Variants in ABCF3 observed in about 807,000 individuals in gnomAD.
The protein encoded by ABCF3 is ATP-binding cassette sub-family F member 3.
ABCF3 carries 62 observed loss-of-function variants against 94.3 expected under a neutral mutation model. The ratio of observed to expected loss-of-function variants is 0.66; its 90% CI spans 0.54 to 0.81. ABCF3 has a LOEUF of 0.81. ABCF3 is among the 40% of genes least tolerant of loss of function. The pLI is 0.00. For synonymous variants in ABCF3, 355 were observed against 361.1 expected (o/e 0.98, Z 0.19); for missense variants, 843 against 925.3 (o/e 0.91, Z 1.15).
At chr3:184,190,233 T>C (rs1715934971) in intron 14 of ABCF3, 4 of 458,456 alleles carry the variant, frequency 8.7e-6, no homozygotes, top group Admixed American at 3.7e-5. Context: ...CCTGGCGTCA[T>C]GTGTGAGGCT....
At position 184,187,652 on chromosome 3, in the gene ABCF3, T is replaced by C. The variant is rs1239633465; in HGVS notation, c.349-12T>C. The C allele has an allele frequency of 3.1e-6, 5 of 1,613,974 alleles. No homozygotes were observed. Among genetic ancestry groups the C allele is most frequent in the African/African-American group, 1.3e-5 (1 of 74,908 alleles). On this transcript the variant is annotated splice_polypyrimidine_tract_variant and intron_variant, in intron 4 of 20. Transcript: ENST00000429586. The stretch of plus-strand genomic sequence containing the variant: ...ACACCCGAGAGTGAAGTCGATGTGT[T>C]TGGACCCTTAGACAGTGAATGCAAA...
intron 3 of ABCF3, 53 bp downstream of exon 3, chr3:184,186,928 CCA>C: frequency 6.4e-7 from 1 of 1,560,950 alleles, no homozygotes; most frequent in African/African-American, 1.4e-5. Flanking sequence ...TTCTCCGCCC[CCA>C]ACCATCTGCT....
chr3:184,189,895 C>T lies in ABCF3; in HGVS notation c.1355C>T (p.Ser452Phe). ...TTTCGCTACAATGCCAACAGGGCCT[C>T]TCAAGTGCAGAGTAAACTCAAGATG... ...DRFRYNANRA[S>F]QVQSKLKMLE... Residue 452 changes from serine to phenylalanine, a missense_variant, in exon 14 of 21, where the codon TCT (serine) becomes TTT (phenylalanine). Ser to Phe is a radical substitution (Grantham distance 155, BLOSUM62 -2). Coordinates refer to ENST00000429586, the MANE Select transcript of ABCF3 (RefSeq NM_018358.3). 1 of 1,614,224 alleles carries T rather than the reference C, an allele frequency of 6.2e-7. No individual in the cohort carries two copies.
rs553948747 is a variant in ABCF3, at chr3:184,188,437, C to T, written c.836+30C>T. ...GGACTCCCGGCTAGGGAGTAACTAGCAGCCGCTGTCGCTTACAGAGCGCCT... is the reference window on the plus strand; with the variant it reads ...GGACTCCCGGCTAGGGAGTAACTAGTAGCCGCTGTCGCTTACAGAGCGCCT... On this transcript the variant is annotated intron_variant, in intron 7 of 20. Transcript: ENST00000429586. The T allele has an allele frequency of 2.6e-5, 42 of 1,587,246 alleles. 2 individuals are homozygous for T. In the South Asian group the frequency reaches 4.4e-4, roughly 16 times the overall value.
chr3:184,193,319 C>T lies in ABCF3; in HGVS notation c.1884-46C>T. The T allele has an allele frequency of 6.2e-7, 1 of 1,613,422 alleles. No individual in the cohort carries two copies. Among genetic ancestry groups the T allele is most frequent in the South Asian group, 1.1e-5 (1 of 90,958 alleles). Reference sequence around the variant, plus strand: ...ACTGTATCAGAAGGCTTTATTTTCTCTCACCGCACCCCTTCACTGCCCACC... The same window carrying T: ...ACTGTATCAGAAGGCTTTATTTTCTTTCACCGCACCCCTTCACTGCCCACC... On this transcript the variant is annotated intron_variant, in intron 19 of 20. Transcript: ENST00000429586. This position sits in a 1 kb window ranked among gnomAD's most constrained non-coding sequence, Gnocchi z 5.2.
chr3:184,192,454 C>A lies in ABCF3; in HGVS notation c.1570-147C>A, dbSNP rs180727734. ...GAACCCCTCTCTCAATTCCCCTCCT[C>A]CCCCCTTATCCTTCCCAGCCTCTAG... On this transcript the variant is annotated intron_variant, in intron 16 of 20. Coordinates refer to ENST00000429586, the MANE Select transcript of ABCF3 (RefSeq NM_018358.3). 1,585 of 758,988 alleles carry A rather than the reference C, an allele frequency of 2.1e-3. 3 individuals carry two copies. Among genetic ancestry groups the A allele is most frequent in the Non-Finnish European group, 3.1e-3 (1,466 of 479,824 alleles). 47.0% of individuals were successfully genotyped at this position (758,988 alleles called of 1,614,324 possible).
rs1715761328 is a variant in ABCF3 at position 184,188,137 on chromosome 3, G to A, written c.570-4G>A. 2 of 1,613,112 alleles carry A rather than the reference G, an allele frequency of 1.2e-6. No individual in the cohort carries two copies. Among genetic ancestry groups the A allele is most frequent in the African/African-American group, 1.3e-5 (1 of 74,938 alleles). On this transcript the variant is annotated splice_region_variant and splice_polypyrimidine_tract_variant and intron_variant, in intron 6 of 20. Coordinates refer to ENST00000429586, the MANE Select transcript of ABCF3 (RefSeq NM_018358.3). ...TCTTTGGTCTCCTTTCTCCACTCCT[G>A]CAGAGTACTGCTGGCTGGAGCGGAT...
Position 184,187,770 on chromosome 3 carries a change from G to T in ABCF3, c.446+9G>T. The T allele has an allele frequency of 6.2e-7, 1 of 1,614,158 alleles. No homozygotes were observed. Among genetic ancestry groups the T allele is most frequent in the South Asian group, 1.1e-5 (1 of 91,070 alleles). On this transcript the variant is annotated intron_variant, in intron 5 of 20. Transcript: ENST00000429586. ...AAGACCAGCAACCCTCTGTGAGTGG[G>T]GGAAGCATGGCTCAGAAGAGAGCAG...
At chr3:184,187,233 G>C in intron 3 of ABCF3, 164 bp from the exon 4 acceptor site, 1 of 815,204 alleles carries the variant, frequency 1.2e-6, no homozygotes, top group Non-Finnish European at 2.0e-6. Context: ...GTTTTGTTTT[G>C]TTTTGTTTTG....
chr3:184,192,969 C>A, intron 18 of ABCF3, 73 bp downstream of exon 18: 1 of 1,590,142 alleles, frequency 6.3e-7, no homozygotes, highest in Admixed American at 1.7e-5. Context: ...GGCAGCTAGG[C>A]CTGCCTTGGG....
intron 7 of ABCF3, 25 bp downstream of exon 7, chr3:184,188,432 A>G: frequency 6.3e-7 from 1 of 1,591,102 alleles, no homozygotes; most frequent in Non-Finnish European, 8.6e-7. Flanking sequence ...CTAGGGAGTA[A>G]CTAGCAGCCG....
intron 3 of ABCF3, 32 bp from the exon 4 acceptor site, chr3:184,187,365 G>C (rs1293010694): frequency 6.2e-7 from 1 of 1,613,652 alleles, no homozygotes; most frequent in East Asian, 2.2e-5. Flanking sequence ...TTCCCTCAGG[G>C]AGAAGGTGAC....
At chr3:184,191,995 C>T (rs1033016991) in intron 16 of ABCF3, among the ~76,000 whole-genome samples, 1 of 152,102 alleles carries the variant, frequency 6.6e-6, no homozygotes, top group Non-Finnish European at 1.5e-5. Context: ...ATCTGCCTGC[C>T]TCAGCCTCCC....
chr3:184,189,121 C>T lies in ABCF3; in HGVS notation c.1011C>T (p.Ala337=), dbSNP rs1371175321. The T allele has an allele frequency of 1.9e-6, 3 of 1,614,066 alleles. No homozygotes were observed. Among genetic ancestry groups the T allele is most frequent in the Non-Finnish European group, 2.5e-6 (3 of 1,180,034 alleles). Residue 337 remains alanine (A), a synonymous_variant, in exon 10 of 21, where the codon GCC becomes GCT. Transcript: ENST00000429586. The stretch of plus-strand genomic sequence containing the variant: ...CAGGTGGCTGGAGGATGAGGCTGGC[C>T]CTGGCCCGGGCCCTCTTTGCTAGGT... ...EFSGGWRMRL[A]LARALFARPD...
At position 184,186,792 on chromosome 3, in the gene ABCF3, A is replaced by C. The variant is rs1033558204; in HGVS notation, c.222-4A>C. 6.2e-7 allele frequency: 1 copy of C among 1,613,280 alleles called. No homozygotes were observed. The highest frequency in any genetic ancestry group is 8.5e-7 in the Non-Finnish European group (1 of 1,179,648). The stretch of plus-strand genomic sequence containing the variant: ...CTCTGCGCTTTCTATCCCTACCCAC[A>C]TAGGGCTGAGCCACAAAGCCAGGGA... On this transcript the variant is annotated splice_polypyrimidine_tract_variant and splice_region_variant and intron_variant, in intron 2 of 20. Transcript: ENST00000429586.
intron 14 of ABCF3, 118 bp downstream of exon 14, chr3:184,190,049 C>G: frequency 1.9e-6 from 2 of 1,059,666 alleles, no homozygotes; most frequent in Non-Finnish European, 2.8e-6. Flanking sequence ...CCAACTGTGA[C>G]TTCCTCCTCT....
intron 16 of ABCF3, among the ~76,000 whole-genome samples, chr3:184,192,081 A>T (rs1716062714): frequency 6.6e-6 from 1 of 152,084 alleles, no homozygotes; most frequent in South Asian, 2.1e-4. Context: ...TTGTTGAAGG[A>T]GTCATCGGGA....
Position 184,192,817 on chromosome 3 carries a change from T to A in ABCF3, c.1671T>A (p.Ile557=), listed in dbSNP as rs1368075299. 5.0e-6 allele frequency: 8 copies of A among 1,614,078 alleles called. No homozygotes were observed. Among genetic ancestry groups the A allele is most frequent in the Non-Finnish European group, 5.9e-6 (7 of 1,179,932 alleles). ...CTTCTGCCTGCAGGAATCTGAAGATTGGCTATTTCAGCCAGCACCATGTGG... is the reference window on the plus strand; with the variant it reads ...CTTCTGCCTGCAGGAATCTGAAGATAGGCTATTTCAGCCAGCACCATGTGG... ...GIRHAHRNLK[I]GYFSQHHVEQ... The change falls in exon 18 of 21, where the codon ATT becomes ATA. Residue 557 remains isoleucine, a synonymous_variant. Coordinates refer to ENST00000429586, the MANE Select transcript of ABCF3 (RefSeq NM_018358.3).
chr3:184,187,483 G>C, intron 4 of ABCF3, 40 bp downstream of exon 4: 2 of 1,598,016 alleles, frequency 1.3e-6, no homozygotes, highest in African/African-American at 1.3e-5. Context: ...GTCTGTGATG[G>C]GGTTGGGAGT....
Sources: gnomAD v4.1 joint callset for allele counts (sites outside exome capture counted in the v4.1 genomes callset) on GRCh38, gnomAD v4.1.1 for gene constraint, Gnocchi (gnomAD v3.1) non-coding constraint, MANE v1.5 for transcripts, NCBI Gene and HGNC (gene_info 2026-07-23, HGNC 2026-07-21) for gene names.